PPIA: variants seen among roughly 807,000 people sequenced by gnomAD.
The protein encoded by PPIA is peptidylprolyl isomerase A.
PPIA carries 2 observed loss-of-function variants against 15.3 expected under a neutral mutation model. That is an observed-to-expected ratio of 0.13 (90% CI 0.05 to 0.41). The LOEUF (loss-of-function observed/expected upper bound fraction) is 0.41, where lower values mean the gene tolerates loss of function less well. Among genes scored for constraint, PPIA ranks in the 10% least tolerant of loss-of-function variants. PPIA has a pLI of 0.99. For synonymous variants in PPIA, 67 were observed against 73.1 expected (o/e 0.92, Z 0.43); for missense variants, 103 against 210.3 (o/e 0.49, Z 3.16).
rs775088233 is a variant in PPIA at position 44,799,227 on chromosome 7, A to G, written c.70-20A>G. The G allele has an allele frequency of 2.5e-6, 4 of 1,611,890 alleles. No homozygotes were observed. Among genetic ancestry groups the G allele is most frequent in the Non-Finnish European group, 3.4e-6 (4 of 1,178,958 alleles). On this transcript the variant is annotated intron_variant, in intron 1 of 4. Coordinates refer to ENST00000468812, the MANE Select transcript of PPIA (RefSeq NM_021130.5). ...CAACAAAATAAGCAGATGTTAATTA[A>G]CTGTAATTTTCTCTTACAGCTGTTT...
chr7:44,800,927 C>T (rs1378417527), intron 4 of PPIA, among the ~76,000 whole-genome samples: 1 of 152,078 alleles, frequency 6.6e-6, no homozygotes, highest in African/African-American at 2.4e-5. Flanking sequence ...ACGCCATTCT[C>T]CTGCCTCAGC....
At chr7:44,800,840 T>C (rs933566722) in intron 4 of PPIA, among the ~76,000 whole-genome samples, 3 of 152,046 alleles carry the variant, frequency 2.0e-5, no homozygotes, top group African/African-American at 7.2e-5. Context: ...TTTTTTGAGA[T>C]GGAGTTTCGC....
chr7:44,800,390 A>G (rs17860070), intron 4 of PPIA: 7,969 of 133,434 alleles, frequency 0.06, 288 homozygotes, highest in Admixed American at 0.099. Flanking sequence ...CGCCCAACCA[A>G]TTAAGTGCTT....
intron 1 of PPIA, chr7:44,798,400 C>T (rs894274165): frequency 6.6e-6 from 1 of 152,040 alleles, no homozygotes; most frequent in Non-Finnish European, 1.5e-5. Flanking sequence ...GTAATCTCAG[C>T]TACTCTAGAG....
chr7:44,798,150 G>A (rs1792436647), intron 1 of PPIA: 1 of 152,186 alleles, frequency 6.6e-6, no homozygotes, highest in Non-Finnish European at 1.5e-5. Flanking sequence ...TTTGGCTTTA[G>A]CGAAAGTCTG....
At chr7:44,801,208 C>T (rs1792549791) in intron 4 of PPIA, 79 bp from the exon 5 acceptor site, 4 of 1,449,760 alleles carry the variant, frequency 2.8e-6, no homozygotes, top group Admixed American at 2.3e-5. Flanking sequence ...AAAAAGCTAC[C>T]TTTCTCGTCT....
intron 1 of PPIA, chr7:44,798,956 T>C (rs913209702): frequency 1.2e-5 from 14 of 1,161,230 alleles, no homozygotes; most frequent in South Asian, 2.9e-5. Flanking sequence ...AGAAGCCATA[T>C]ATCTTTTCAG....
chr7:44,799,715 C>T lies in PPIA; in HGVS notation c.203C>T (p.Thr68Ile), dbSNP rs1437987343. Residue 68 changes from threonine (T) to isoleucine (I), a missense_variant, in exon 4 of 5, where the codon ACA (threonine) becomes ATA (isoleucine). Thr to Ile is a moderately conservative substitution (Grantham distance 89, BLOSUM62 -1). Transcript: ENST00000468812. Reference sequence around the variant, plus strand: ...ATATGTTGACAGGGTGGTGACTTCACACGCCATAATGGCACTGGTGGCAAG... The same window carrying T: ...ATATGTTGACAGGGTGGTGACTTCATACGCCATAATGGCACTGGTGGCAAG... The part of the protein sequence containing the change: ...PGFMCQGGDF[T>I]RHNGTGGKSI... 6.2e-7 allele frequency: 1 copy of T among 1,613,986 alleles called. No individual in the cohort carries two copies. The highest frequency in any genetic ancestry group is 2.2e-5 in the East Asian group (1 of 44,888).
At chr7:44,799,057 G>A (rs1456842491) in intron 1 of PPIA, 190 bp from the exon 2 acceptor site, 3 of 1,110,052 alleles carry the variant, frequency 2.7e-6, no homozygotes, top group Non-Finnish European at 3.6e-6. Flanking sequence ...GCATGTCTTT[G>A]GGTTTCATGT....
Position 44,801,392 on chromosome 7 carries a change from C to G in PPIA, c.468C>G (p.Ile156Met). The part of the protein sequence containing the change: ...GSRNGKTSKK[I>M]TIADCGQLE ...GGAATGGCAAGACCAGCAAGAAGAT[C>G]ACCATTGCTGACTGTGGACAACTCG... Residue 156 changes from isoleucine (I) to methionine (M), a missense_variant, in exon 5 of 5, where the codon ATC becomes ATG. Transcript: ENST00000468812. The G allele has an allele frequency of 1.9e-6, 3 of 1,551,452 alleles. No individual in the cohort carries two copies. Among genetic ancestry groups the G allele is most frequent in the Non-Finnish European group, 2.7e-6 (3 of 1,129,006 alleles).
Position 44,799,443 on chromosome 7 carries a change from C to T in PPIA, c.152C>T (p.Ser51Phe). The part of the protein sequence containing the change: ...TGEKGFGYKG[S>F]CFHRIIPGFM... Reference sequence around the variant, plus strand: ...GAGAAAGGATTTGGTTATAAGGGTTCCTGCTTTCACAGAATTATTCCAGGG... The same window carrying T: ...GAGAAAGGATTTGGTTATAAGGGTTTCTGCTTTCACAGAATTATTCCAGGG... Residue 51 changes from serine (S) to phenylalanine (F), a missense_variant, in exon 3 of 5, where the codon TCC becomes TTC. Physicochemically the swap from Ser to Phe is radical, Grantham distance 155. Coordinates refer to ENST00000468812, the MANE Select transcript of PPIA (RefSeq NM_021130.5). 1 of 1,612,730 alleles carries T rather than the reference C, an allele frequency of 6.2e-7. No individual in the cohort carries two copies. The highest frequency in any genetic ancestry group is 8.5e-7 in the Non-Finnish European group (1 of 1,179,954).
chr7:44,798,185 CG>C (rs1792437614), intron 1 of PPIA: 2 of 152,192 alleles, frequency 1.3e-5, no homozygotes, highest in African/African-American at 4.8e-5. Flanking sequence ...GGAACTTAAA[CG>C]TACCGACTAT....
At chr7:44,801,209 T>G (rs1342214540) in intron 4 of PPIA, 78 bp from the exon 5 acceptor site, 1 of 1,472,706 alleles carries the variant, frequency 6.8e-7, no homozygotes, top group Non-Finnish European at 9.2e-7. Flanking sequence ...AAAAGCTACC[T>G]TTCTCGTCTT....
In PPIA at chr7:44,799,268, A is replaced by G; in HGVS notation, c.91A>G (p.Lys31Glu). The stretch of plus-strand genomic sequence containing the variant: ...ACAGCTGTTTGCAGACAAGGTCCCA[A>G]AGACAGCAGGTTGGTCCATTTTCTA... ...SFELFADKVP[K>E]TAENFRALST... Residue 31 changes from lysine to glutamate, a missense_variant, in exon 2 of 5, where the codon AAG (lysine) becomes GAG (glutamate). Physicochemically the swap from Lys to Glu is moderately conservative, Grantham distance 56 (BLOSUM62 1). Transcript: ENST00000468812. 1 of 1,613,936 alleles carries G rather than the reference A, an allele frequency of 6.2e-7. No individual in the cohort carries two copies. Among genetic ancestry groups the G allele is most frequent in the Non-Finnish European group, 8.5e-7 (1 of 1,179,924 alleles).
At chr7:44,797,591 C>G (rs953371813) in intron 1 of PPIA, among the ~76,000 whole-genome samples, 1 of 152,118 alleles carries the variant, frequency 6.6e-6, no homozygotes, top group Non-Finnish European at 1.5e-5. Context: ...CAAGTTGCGA[C>G]TGGCCACAAG....
chr7:44,798,687 C>T, intron 1 of PPIA: 1 of 932,150 alleles, frequency 1.1e-6, no homozygotes, highest in Non-Finnish European at 1.3e-6. Flanking sequence ...ATTATACATT[C>T]AAGAAAGGTT....
intron 4 of PPIA, among the ~76,000 whole-genome samples, chr7:44,801,075 C>A (rs536386438): frequency 5.9e-5 from 9 of 152,164 alleles, no homozygotes; most frequent in African/African-American, 2.2e-4. Flanking sequence ...CCTTGGCCTC[C>A]CAAAGTGCTG....
intron 1 of PPIA, chr7:44,798,358 C>G (rs1378365969): frequency 1.3e-5 from 2 of 152,084 alleles, no homozygotes; most frequent in Admixed American, 1.3e-4. Context: ...ATTAAAAATA[C>G]AAAAATTAGC....
Position 44,796,882 on chromosome 7 carries a change from G to A in PPIA, c.69+89G>A. On this transcript the variant is annotated intron_variant, in intron 1 of 4. Coordinates refer to ENST00000468812, the MANE Select transcript of PPIA (RefSeq NM_021130.5). ...TAGCGCCCCAAAGGCCCGGGCGCGG[G>A]GCGACCCTGCTTGAGGGGCGAGCGC... 3 of 1,404,778 alleles carry A rather than the reference G, an allele frequency of 2.1e-6. 1 individual carries two copies. The highest frequency in any genetic ancestry group is 1.3e-5 in the South Asian group (1 of 74,398). 87.0% of individuals were successfully genotyped at this position (1,404,778 alleles called of 1,614,324 possible). A position where few individuals can be genotyped will look rare whatever the true frequency, so the allele number is the denominator to read the frequency against.
Sources: allele counts gnomAD v4.1 joint callset (sites outside exome capture counted in the v4.1 genomes callset), GRCh38; gene constraint gnomAD v4.1.1; transcripts MANE v1.5; gene names NCBI Gene and HGNC (gene_info 2026-07-23, HGNC 2026-07-21).